The following GCH1 variants were observed in gnomAD, a reference collection of about 807,000 sequenced individuals.
GCH1 encodes GTP cyclohydrolase I.
A neutral mutation model predicts 25.9 loss-of-function variants in GCH1; 5 were observed. The observed-to-expected ratio is 0.19, with a 90% confidence interval of 0.10 to 0.41. The LOEUF (loss-of-function observed/expected upper bound fraction) is 0.41, where lower values mean the gene tolerates loss of function less well. Ranked by LOEUF, GCH1 falls within the 10% of genes least tolerant of loss-of-function variation. The pLI is 1.00. For synonymous variants in GCH1, 159 were observed against 129.6 expected, an observed-to-expected ratio of 1.23 and a Z score of -1.54; for missense variants, 261 against 336.5, an observed-to-expected ratio of 0.78 and a Z score of 1.75.
intron 3 of GCH1, among the ~76,000 whole-genome samples, chr14:54,858,044 T>G (rs1052242574): frequency 6.6e-5 from 10 of 152,192 alleles, no homozygotes; most frequent in African/African-American, 1.4e-4. Context: ...CACTTTCTTA[T>G]TGATCCCCAG....
chr14:54,884,508 G>A (rs1448578066), intron 1 of GCH1, among the ~76,000 whole-genome samples: 2 of 151,992 alleles, frequency 1.3e-5, no homozygotes, highest in East Asian at 1.9e-4. Flanking sequence ...AGTGGCTCAC[G>A]CCTATAATCC....
At chr14:54,859,015 C>T (rs1297485308) in intron 3 of GCH1, among the ~76,000 whole-genome samples, 4 of 152,158 alleles carry the variant, frequency 2.6e-5, no homozygotes, top group South Asian at 2.1e-4. Context: ...GAAATGAGAG[C>T]GAGGAGCGTG....
chr14:54,897,880 G>A (rs966126149), intron 1 of GCH1, among the ~76,000 whole-genome samples: 1 of 152,112 alleles, frequency 6.6e-6, no homozygotes, highest in African/African-American at 2.4e-5. Context: ...CTTAACAATG[G>A]GGATACATTC....
chr14:54,848,069 A>G (rs917158564), intron 3 of GCH1, among the ~76,000 whole-genome samples: 3 of 151,754 alleles, frequency 2.0e-5, no homozygotes, highest in Non-Finnish European at 4.4e-5. Context: ...AGTAAGATTA[A>G]CCCCCAAGAA....
chr14:54,856,545 C>G (rs2140058512), intron 3 of GCH1, among the ~76,000 whole-genome samples: 1 of 152,276 alleles, frequency 6.6e-6, no homozygotes, highest in South Asian at 2.1e-4. Context: ...CTCCGCCTCC[C>G]AGGTTCAAGC....
intron 1 of GCH1, among the ~76,000 whole-genome samples, chr14:54,897,191 G>T (rs2140120541): frequency 6.6e-6 from 1 of 150,592 alleles, no homozygotes; most frequent in East Asian, 2.0e-4. Context: ...TGTATTTTTA[G>T]TAGAGACGGG....
chr14:54,872,079 G>A (rs2040087579), intron 1 of GCH1, among the ~76,000 whole-genome samples: 2 of 152,194 alleles, frequency 1.3e-5, no homozygotes, highest in South Asian at 4.1e-4. Context: ...AGGAAAAAAT[G>A]TTAAGGGCAG....
intron 1 of GCH1, among the ~76,000 whole-genome samples, chr14:54,877,298 G>A (rs1224875180): frequency 6.6e-6 from 1 of 152,146 alleles, no homozygotes; most frequent in East Asian, 1.9e-4. Context: ...CAAACAAAAT[G>A]AAAGCAGCCT....
intron 3 of GCH1, among the ~76,000 whole-genome samples, chr14:54,858,325 G>A (rs145207463): frequency 6.6e-6 from 1 of 151,832 alleles, no homozygotes; most frequent in African/African-American, 2.4e-5. Context: ...TTACTCCATC[G>A]CCCAGGCTGG....
At chr14:54,901,121 G>T (rs1247936897) in intron 1 of GCH1, among the ~76,000 whole-genome samples, 1 of 152,106 alleles carries the variant, frequency 6.6e-6, no homozygotes, top group Non-Finnish European at 1.5e-5. Flanking sequence ...TTCCTTTGGG[G>T]TGTGGAAGAC....
chr14:54,901,373 T>A (rs1057394691), intron 1 of GCH1, among the ~76,000 whole-genome samples: 3 of 152,212 alleles, frequency 2.0e-5, no homozygotes, highest in Non-Finnish European at 4.4e-5. Context: ...TTTATTTTTT[T>A]AAACACAGAC....
At position 54,890,660 on chromosome 14, in the gene GCH1, A is replaced by C. The variant is rs536696343; in HGVS notation, c.343+11661T>G. Among the ~76,000 whole-genome samples the C allele has an allele frequency of 1.5e-4, 23 of 152,368 alleles. No individual in the cohort carries two copies. The South Asian group carries it at 4.3e-3, about 29-fold the overall frequency. ...TTAATATTGATCTTTTAAAAGTTTAAAATAAATCTAATTGCCTTGAAAACT... is the reference window on the plus strand; with the variant it reads ...TTAATATTGATCTTTTAAAAGTTTACAATAAATCTAATTGCCTTGAAAACT... On this transcript the variant is annotated intron_variant, in intron 1 of 5. Coordinates refer to ENST00000491895, the MANE Select transcript of GCH1 (RefSeq NM_000161.3).
chr14:54,885,545 G>T, intron 1 of GCH1: 1 of 371,152 alleles, frequency 2.7e-6, no homozygotes, highest in Non-Finnish European at 5.2e-6. Flanking sequence ...AAGCAGATCT[G>T]CCCCCAGCAA....
chr14:54,877,561 T>C (rs2040180555), intron 1 of GCH1, among the ~76,000 whole-genome samples: 1 of 151,912 alleles, frequency 6.6e-6, no homozygotes, highest in Non-Finnish European at 1.5e-5. Context: ...CGGCACAATC[T>C]CAGCTCACTG....
At chr14:54,890,784 G>A (rs34544088) in intron 1 of GCH1, among the ~76,000 whole-genome samples, 36,854 of 152,020 alleles carry the variant, frequency 0.24, 4,871 homozygotes, top group African/African-American at 0.35. Flanking sequence ...GCATGGACAC[G>A]TTCTGCAAAA....
intron 1 of GCH1, among the ~76,000 whole-genome samples, chr14:54,865,694 G>A (rs2039980712): frequency 6.6e-6 from 1 of 152,206 alleles, no homozygotes; most frequent in African/African-American, 2.4e-5. Flanking sequence ...AGAGGAAGGA[G>A]AACGGAGGGA....
chr14:54,870,285 G>A (rs540804386), intron 1 of GCH1, among the ~76,000 whole-genome samples: 31 of 142,396 alleles, frequency 2.2e-4, no homozygotes, highest in Non-Finnish European at 3.9e-4. Flanking sequence ...ATTGCTAGAG[G>A]CCAAGAGTTC....
At position 54,889,190 on chromosome 14, in the gene GCH1, A is replaced by T. The variant is rs115813840; in HGVS notation, c.343+13131T>A. Among the ~76,000 whole-genome samples, 887 of 152,252 alleles carry T rather than the reference A, an allele frequency of 5.8e-3. 15 individuals are homozygous for T. Among genetic ancestry groups the T allele is most frequent in the African/African-American group, 0.02 (831 of 41,556 alleles). The stretch of plus-strand genomic sequence containing the variant: ...GGGCTGCCCATGTGATAAACGATAA[A>T]TGGTGGGGTCAATTAGAGGGGTATG... On this transcript the variant is annotated intron_variant, in intron 1 of 5. Coordinates refer to ENST00000491895, the MANE Select transcript of GCH1 (RefSeq NM_000161.3).
intron 1 of GCH1, among the ~76,000 whole-genome samples, chr14:54,877,797 C>T (rs1210237238): frequency 6.6e-6 from 1 of 152,108 alleles, no homozygotes; most frequent in Non-Finnish European, 1.5e-5. Context: ...GCCTGGCCCC[C>T]AAGTGCTTAT....
Sources: gnomAD v4.1 joint callset for allele counts (sites outside exome capture counted in the v4.1 genomes callset) on GRCh38, gnomAD v4.1.1 for gene constraint, MANE v1.5 for transcripts, NCBI Gene and HGNC (gene_info 2026-07-23, HGNC 2026-07-21) for gene names.